The following SPEF2 variants were observed in gnomAD, a reference collection of about 807,000 sequenced individuals.
SPEF2 encodes the protein sperm flagellar and cilia associated 2, also known as sperm flagella and cilia-associated protein 2.
Under a neutral mutation model 224.6 loss-of-function variants are expected in SPEF2, and 187 were observed. That is an observed-to-expected ratio of 0.83 (90% CI 0.74 to 0.94). SPEF2 has a LOEUF of 0.94. Among genes scored for constraint, SPEF2 ranks in the 40% least tolerant of loss-of-function variants. The pLI, the probability that SPEF2 is intolerant of heterozygous loss-of-function variation, is 0.00. For missense variants in SPEF2, 2,170 were observed against 2,135.6 expected (o/e 1.02, Z -0.32); for synonymous variants, 715 against 707.3 (o/e 1.01, Z -0.17).
intron 23 of SPEF2, among the ~76,000 whole-genome samples, chr5:35,741,049 G>T (rs1049889570): frequency 1.3e-5 from 2 of 152,168 alleles, no homozygotes; most frequent in Non-Finnish European, 2.9e-5. Flanking sequence ...AATACTTATT[G>T]AGCATCTATT....
chr5:35,759,991 G>A (rs2149747542), intron 25 of SPEF2, among the ~76,000 whole-genome samples: 1 of 152,114 alleles, frequency 6.6e-6, no homozygotes, highest in South Asian at 2.1e-4. Context: ...GACTCTGCAG[G>A]TGGTATTAGG....
At chr5:35,710,198 T>C (rs1740813475) in intron 19 of SPEF2, 1 of 984,526 alleles carries the variant, frequency 1.0e-6, no homozygotes, top group South Asian at 4.7e-5. Flanking sequence ...CGCTGTCTCA[T>C]TAGGAAATTA....
chr5:35,700,387 G>T, intron 15 of SPEF2, 109 bp from the exon 16 acceptor site: 1 of 958,096 alleles, frequency 1.0e-6, no homozygotes, highest in Non-Finnish European at 1.6e-6. Context: ...TGAAATTCAT[G>T]CAGTAGGAAG....
At chr5:35,708,253 C>G (rs1184144182) in intron 18 of SPEF2, among the ~76,000 whole-genome samples, 1 of 152,056 alleles carries the variant, frequency 6.6e-6, no homozygotes, top group African/African-American at 2.4e-5. Context: ...GTGCAGTATT[C>G]TAAGTGCTTT....
At chr5:35,713,300 G>A (rs1741573555) in intron 20 of SPEF2, among the ~76,000 whole-genome samples, 1 of 152,016 alleles carries the variant, frequency 6.6e-6, no homozygotes, top group Non-Finnish European at 1.5e-5. Flanking sequence ...ACAAAACTAA[G>A]AAAGGAGCCT....
At chr5:35,781,629 A>T (rs1031854077) in intron 30 of SPEF2, 1 of 152,124 alleles carries the variant, frequency 6.6e-6, no homozygotes, top group Non-Finnish European at 1.5e-5. Context: ...CAAGAATAAC[A>T]GTTGTAATTA....
At chr5:35,646,638 C>T (rs760670334) in intron 4 of SPEF2, 29 bp from the exon 5 acceptor site, 2 of 1,599,464 alleles carry the variant, frequency 1.3e-6, no homozygotes, top group South Asian at 1.1e-5. Flanking sequence ...TATTCTGAAT[C>T]ACTAAACTAA....
intron 8 of SPEF2, 83 bp from the exon 9 acceptor site, chr5:35,666,989 A>C: frequency 7.6e-7 from 1 of 1,313,412 alleles, no homozygotes; most frequent in Non-Finnish European, 1.0e-6. Flanking sequence ...TTCTACTGAA[A>C]GACTTTTTGG....
chr5:35,737,150 A>G (rs779760324), intron 21 of SPEF2, among the ~76,000 whole-genome samples: 1 of 152,124 alleles, frequency 6.6e-6, no homozygotes, highest in Non-Finnish European at 1.5e-5. Flanking sequence ...CTCATTTATT[A>G]AACTTACGTA....
chr5:35,704,534 A>G lies in SPEF2; in HGVS notation c.2399-20A>G. 6.5e-7 allele frequency: 1 copy of G among 1,548,286 alleles called. No individual in the cohort carries two copies. The highest frequency in any genetic ancestry group is 8.8e-7 in the Non-Finnish European group (1 of 1,135,892). ...CTTTGGTTTTGAAAATTATCTAATTAAATAAATTTTATACCATAGCTGAAG... is the reference window on the plus strand; with the variant it reads ...CTTTGGTTTTGAAAATTATCTAATTGAATAAATTTTATACCATAGCTGAAG... On this transcript the variant is annotated intron_variant, in intron 16 of 36. Coordinates refer to ENST00000356031, the MANE Select transcript of SPEF2 (RefSeq NM_024867.4).
chr5:35,794,735 T>G (rs1756432928), intron 32 of SPEF2, among the ~76,000 whole-genome samples: 1 of 152,044 alleles, frequency 6.6e-6, no homozygotes, highest in Non-Finnish European at 1.5e-5. Flanking sequence ...GAACAAAGGG[T>G]GTTGGCAATT....
intron 23 of SPEF2, among the ~76,000 whole-genome samples, chr5:35,742,037 T>C: frequency 6.6e-6 from 1 of 152,380 alleles, no homozygotes; most frequent in Middle Eastern, 3.4e-3. Context: ...AAATCCCTAA[T>C]AGTCAATGGT....
At chr5:35,618,109 C>T (rs1438157386) in intron 1 of SPEF2, 54 bp downstream of exon 1, 10 of 1,539,238 alleles carry the variant, frequency 6.5e-6, no homozygotes, top group African/African-American at 1.4e-5. Context: ...GGCGCAGAGC[C>T]TGCAGCGCAG....
chr5:35,717,822 A>C (rs7705851), intron 20 of SPEF2, among the ~76,000 whole-genome samples: 113,168 of 152,048 alleles, frequency 0.74, 42,589 homozygotes, highest in Middle Eastern at 0.83. Context: ...TTGTCTCATT[A>C]CCCTCTCTAA....
chr5:35,784,257 A>G (rs1754768403), intron 30 of SPEF2, among the ~76,000 whole-genome samples: 1 of 151,794 alleles, frequency 6.6e-6, no homozygotes, highest in Admixed American at 6.6e-5. Context: ...CCTCCGGAGT[A>G]GCTGGGACTA....
chr5:35,749,511 G>T (rs998371484), intron 23 of SPEF2, among the ~76,000 whole-genome samples: 2 of 151,944 alleles, frequency 1.3e-5, no homozygotes, highest in African/African-American at 4.8e-5. Flanking sequence ...AAAGTTTCCG[G>T]ATACAAGATT....
At position 35,670,538 on chromosome 5, in the gene SPEF2, G is replaced by A. The variant is rs988579968; in HGVS notation, c.1524+311G>A. On this transcript the variant is annotated intron_variant, in intron 10 of 36. Transcript: ENST00000356031. ...TATTTATTAGCATTTTTCTTTGTAT[G>A]GGCTGTGTACTTTTGCTTCAAAAAC... The A allele has an allele frequency of 4.3e-5, 44 of 1,017,402 alleles. No individual in the cohort carries two copies. In the Admixed American group the frequency reaches 1.7e-3, roughly 40 times the overall value. The allele number at this position is 1,017,402 out of a possible 1,614,324, so 63.0% of individuals were successfully genotyped here. A position where few individuals can be genotyped will look rare whatever the true frequency, so the allele number is the denominator to read the frequency against.
At chr5:35,677,529 G>A (rs1304920093) in intron 10 of SPEF2, among the ~76,000 whole-genome samples, 6 of 152,172 alleles carry the variant, frequency 3.9e-5, no homozygotes, top group Non-Finnish European at 8.8e-5. Context: ...GTTTGACCCA[G>A]GCAGTTGTGC....
At chr5:35,773,452 G>T (rs571439357) in intron 27 of SPEF2, among the ~76,000 whole-genome samples, 1 of 152,246 alleles carries the variant, frequency 6.6e-6, no homozygotes, top group African/African-American at 2.4e-5. Context: ...TCTTCTTGAG[G>T]TTATTCTCGT....
Sources: gnomAD v4.1 joint callset for allele counts (sites outside exome capture counted in the v4.1 genomes callset) on GRCh38, gnomAD v4.1.1 for gene constraint, MANE v1.5 for transcripts, NCBI Gene and HGNC (gene_info 2026-07-23, HGNC 2026-07-21) for gene names.